SLC2A13: variants seen among roughly 807,000 people sequenced by gnomAD.
SLC2A13 encodes the protein proton myo-inositol cotransporter.
SLC2A13 carries 32 observed loss-of-function variants against 64.4 expected under a neutral mutation model. The ratio of observed to expected loss-of-function variants is 0.50; its 90% confidence interval spans 0.37 to 0.67. The LOEUF is 0.67. Ranked by LOEUF, SLC2A13 falls within the 30% of genes least tolerant of loss-of-function variation. The pLI is 0.00. For missense variants in SLC2A13, 743 were observed against 829.2 expected (o/e 0.90, Z 1.28); for synonymous variants, 338 against 327.1 (o/e 1.03, Z -0.36).
At chr12:39,898,211 T>A (rs1325593876) in intron 4 of SLC2A13, among the ~76,000 whole-genome samples, 1 of 152,158 alleles carries the variant, frequency 6.6e-6, no homozygotes, top group Non-Finnish European at 1.5e-5. Flanking sequence ...TAATGTCTCT[T>A]TTTAAGACTA....
chr12:40,012,297 G>A (rs541912044), intron 3 of SLC2A13, among the ~76,000 whole-genome samples: 9 of 152,254 alleles, frequency 5.9e-5, no homozygotes, highest in South Asian at 4.1e-4. Flanking sequence ...TTTATTAGTA[G>A]CATCTGTCTC....
chr12:39,886,358 G>A (rs1944466268), intron 4 of SLC2A13, among the ~76,000 whole-genome samples: 1 of 152,106 alleles, frequency 6.6e-6, no homozygotes, highest in South Asian at 2.1e-4. Context: ...CATACATGCA[G>A]CACTAAAACA....
At chr12:39,954,620 C>T (rs1717193803) in intron 3 of SLC2A13, among the ~76,000 whole-genome samples, 3 of 152,168 alleles carry the variant, frequency 2.0e-5, no homozygotes, top group Admixed American at 2.0e-4. Context: ...TTAAACATTA[C>T]TTGAATGCCA....
intron 3 of SLC2A13, among the ~76,000 whole-genome samples, chr12:39,980,217 T>A (rs1213078695): frequency 3.3e-5 from 5 of 151,782 alleles, no homozygotes; most frequent in African/African-American, 1.2e-4. Flanking sequence ...CACTGCAAAA[T>A]CATGCCAAAA....
intron 7 of SLC2A13, among the ~76,000 whole-genome samples, chr12:39,807,564 T>C: frequency 6.6e-6 from 1 of 152,190 alleles, no homozygotes; most frequent in East Asian, 1.9e-4. Context: ...ACTTGATAAA[T>C]ATCAGCTAGG....
intron 4 of SLC2A13, among the ~76,000 whole-genome samples, chr12:39,935,174 G>A (rs1945897425): frequency 6.6e-6 from 1 of 152,176 alleles, no homozygotes; most frequent in Non-Finnish European, 1.5e-5. Flanking sequence ...AAGATAGCTT[G>A]AGCCCAGGAG....
chr12:39,922,128 C>A lies in SLC2A13; in HGVS notation c.1034+29129G>T, dbSNP rs560524423. The stretch of plus-strand genomic sequence containing the variant: ...AGAGGTGTACAAACACTTAAAAAAA[C>A]CCAAAAAACCATTATTCTCTGTATC... On this transcript the variant is annotated intron_variant, in intron 4 of 9. Transcript: ENST00000280871. Among the ~76,000 whole-genome samples the A allele has an allele frequency of 4.1e-4, 62 of 152,228 alleles. 1 individual carries two copies. Among genetic ancestry groups the A allele is most frequent in the African/African-American group, 1.4e-3 (57 of 41,526 alleles).
At position 39,844,779 on chromosome 12, in the gene SLC2A13, C is replaced by T. The variant is rs75614081; in HGVS notation, c.1320-14551G>A. On this transcript the variant is annotated intron_variant, in intron 6 of 9. Transcript: ENST00000280871. Reference sequence around the variant, plus strand: ...TTTGGAAATTATATTCTTCCCTCATCTGACAAATTAAAATAAAGATAAAGA... The same window carrying T: ...TTTGGAAATTATATTCTTCCCTCATTTGACAAATTAAAATAAAGATAAAGA... 6.2e-3 allele frequency among the ~76,000 whole-genome samples: 943 copies of T among 151,978 alleles called. 12 individuals carry two copies. Among genetic ancestry groups the T allele is most frequent in the African/African-American group, 0.021 (892 of 41,500 alleles).
At chr12:39,903,861 C>T (rs1178963759) in intron 4 of SLC2A13, among the ~76,000 whole-genome samples, 1 of 152,040 alleles carries the variant, frequency 6.6e-6, no homozygotes, top group African/African-American at 2.4e-5. Context: ...TGAGTGGCCT[C>T]TTATATTTAC....
chr12:40,009,791 T>G (rs1190962702), intron 3 of SLC2A13, among the ~76,000 whole-genome samples: 1 of 152,174 alleles, frequency 6.6e-6, no homozygotes. Flanking sequence ...TAAAGTCCAA[T>G]GTAGAGACAT....
chr12:39,979,517 G>A (rs1301361644), intron 3 of SLC2A13, among the ~76,000 whole-genome samples: 4 of 149,588 alleles, frequency 2.7e-5, no homozygotes, highest in African/African-American at 7.4e-5. Context: ...CGAGAACTAC[G>A]TGAAGAATGC....
Position 39,906,608 on chromosome 12 carries a change from G to A in SLC2A13, c.1035-34647C>T, listed in dbSNP as rs375367329. On this transcript the variant is annotated intron_variant, in intron 4 of 9. Coordinates refer to ENST00000280871, the MANE Select transcript of SLC2A13 (RefSeq NM_052885.4). Reference sequence around the variant, plus strand: ...AAAGTTAAACCTAGTTTTCTGTCCTGCTGGGTCTATACTTGGTTGTATGTT... The same window carrying A: ...AAAGTTAAACCTAGTTTTCTGTCCTACTGGGTCTATACTTGGTTGTATGTT... Among the ~76,000 whole-genome samples, 5 of 152,224 alleles carry A rather than the reference G, an allele frequency of 3.3e-5. No individual in the cohort carries two copies. In the East Asian group the frequency reaches 9.6e-4, roughly 29 times the overall value.
At chr12:40,014,553 A>G (rs972483003) in intron 3 of SLC2A13, among the ~76,000 whole-genome samples, 4 of 151,982 alleles carry the variant, frequency 2.6e-5, no homozygotes, top group Admixed American at 6.6e-5. Context: ...GTGCCATGGC[A>G]TGATCTCGGC....
At chr12:40,015,244 T>C (rs28370657) in intron 3 of SLC2A13, among the ~76,000 whole-genome samples, 1 of 152,184 alleles carries the variant, frequency 6.6e-6, no homozygotes. Context: ...AGGAGACCTA[T>C]GCAATTTATA....
intron 7 of SLC2A13, among the ~76,000 whole-genome samples, chr12:39,795,783 T>A (rs1373181185): frequency 6.6e-6 from 1 of 152,170 alleles, no homozygotes; most frequent in Non-Finnish European, 1.5e-5. Context: ...ATTATTGGGG[T>A]AGAGTGTCCT....
chr12:39,978,889 G>C (rs1946824620), intron 3 of SLC2A13, among the ~76,000 whole-genome samples: 1 of 150,538 alleles, frequency 6.6e-6, no homozygotes, highest in South Asian at 2.1e-4. Context: ...CAAACAAAAA[G>C]ACAGCAGTAA....
intron 4 of SLC2A13, among the ~76,000 whole-genome samples, chr12:39,922,449 G>T (rs538141923): frequency 6.6e-6 from 1 of 152,244 alleles, no homozygotes; most frequent in Admixed American, 6.5e-5. Context: ...GATCAATAAG[G>T]CACCAGTTTA....
intron 3 of SLC2A13, among the ~76,000 whole-genome samples, chr12:39,978,222 G>C (rs1426001572): frequency 6.6e-6 from 1 of 152,154 alleles, no homozygotes; most frequent in African/African-American, 2.4e-5. Context: ...CAAAAATACA[G>C]TCCATCTCCC....
chr12:39,763,600 G>C lies in SLC2A13; in HGVS notation c.1720+860C>G, dbSNP rs914455428. On this transcript the variant is annotated intron_variant, in intron 9 of 9. Coordinates refer to ENST00000280871, the MANE Select transcript of SLC2A13 (RefSeq NM_052885.4). The stretch of plus-strand genomic sequence containing the variant: ...CTGTTCTTGCAAAGAGAAATGATAA[G>C]TGGCCAGAGCACAGAGTAAAGAGAT... Among the ~76,000 whole-genome samples, 3 of 152,058 alleles carry C rather than the reference G, an allele frequency of 2.0e-5. No homozygotes were observed. The South Asian group carries it at 6.2e-4, about 31-fold the overall frequency.
Sources: gnomAD v4.1 joint callset for allele counts (sites outside exome capture counted in the v4.1 genomes callset) on GRCh38, gnomAD v4.1.1 for gene constraint, MANE v1.5 for transcripts, NCBI Gene and HGNC (gene_info 2026-07-23, HGNC 2026-07-21) for gene names.